The following CCSER1 variants were observed in gnomAD, a reference collection of about 807,000 sequenced individuals.
The protein encoded by CCSER1 is coiled-coil serine rich protein 1, also known as serine-rich coiled-coil domain-containing protein 1.
Under a neutral mutation model 82.0 loss-of-function variants are expected in CCSER1, and 41 were observed. The observed-to-expected ratio is 0.50, with a 90% CI of 0.39 to 0.65. CCSER1 has a LOEUF of 0.65. Ranked by LOEUF, CCSER1 falls within the 30% of genes least tolerant of loss-of-function variation. The pLI, the probability that CCSER1 is intolerant of heterozygous loss-of-function variation, is 0.00. For missense variants in CCSER1, 1,119 were observed against 1,064.2 expected (o/e 1.05, Z -0.72); for synonymous variants, 414 against 383.9 (o/e 1.08, Z -0.92).
chr4:91,603,816 A>G lies in CCSER1; in HGVS notation c.*4759A>G, dbSNP rs1375270146. On this transcript the variant is annotated 3_prime_UTR_variant, in exon 11 of 11. Coordinates refer to ENST00000509176, the MANE Select transcript of CCSER1 (RefSeq NM_001145065.2). ...AAGTCTAAGATTAGGGTGGGGCAGA[A>G]TAAATTATTGGTGAGGATCTGCTTC... 3 of 152,092 alleles carry G rather than the reference A, an allele frequency of 2.0e-5. No individual in the cohort carries two copies. The highest frequency in any genetic ancestry group is 4.4e-5 in the Non-Finnish European group (3 of 68,014). 9.4% of individuals were successfully genotyped at this position (152,092 alleles called of 1,614,324 possible).
At chr4:91,500,016 T>C (rs1759124204) in intron 10 of CCSER1, among the ~76,000 whole-genome samples, 2 of 152,072 alleles carry the variant, frequency 1.3e-5, no homozygotes, top group South Asian at 4.1e-4. Context: ...AACCTTATCG[T>C]AAGAGTATAT....
intron 6 of CCSER1, among the ~76,000 whole-genome samples, chr4:90,684,072 G>T (rs774967597): frequency 1.3e-5 from 2 of 152,052 alleles, no homozygotes; most frequent in Non-Finnish European, 2.9e-5. Context: ...TGAATTAACG[G>T]CCTCACATCA....
At chr4:90,482,171 A>G (rs973108703) in intron 5 of CCSER1, among the ~76,000 whole-genome samples, 19 of 152,290 alleles carry the variant, frequency 1.2e-4, no homozygotes, top group Non-Finnish European at 2.1e-4. Flanking sequence ...AGGTGTTTCT[A>G]GTATTCTCTG....
intron 5 of CCSER1, among the ~76,000 whole-genome samples, chr4:90,481,979 C>T (rs993086254): frequency 3.2e-4 from 49 of 152,232 alleles, no homozygotes; most frequent in African/African-American, 1.0e-3. Context: ...TGGTAGAATT[C>T]GGCTGTGAAT....
intron 6 of CCSER1, among the ~76,000 whole-genome samples, chr4:90,634,554 T>G (rs1287315044): frequency 6.6e-6 from 1 of 151,792 alleles, no homozygotes; most frequent in East Asian, 1.9e-4. Flanking sequence ...TTTACTGCAT[T>G]TCAGTAATTG....
chr4:90,290,184 A>T (rs1730644609), intron 1 of CCSER1, among the ~76,000 whole-genome samples: 1 of 151,924 alleles, frequency 6.6e-6, no homozygotes, highest in Non-Finnish European at 1.5e-5. Flanking sequence ...CATTAACTGT[A>T]GTCTGGAATG....
intron 5 of CCSER1, among the ~76,000 whole-genome samples, chr4:90,622,673 A>G (rs1231973593): frequency 1.3e-5 from 2 of 152,008 alleles, no homozygotes; most frequent in African/African-American, 2.4e-5. Context: ...TCGTTGATGG[A>G]CATTTGGGTT....
chr4:90,930,429 A>G (rs11934488), intron 9 of CCSER1, among the ~76,000 whole-genome samples: 63,048 of 151,144 alleles, frequency 0.42, 13,572 homozygotes, highest in African/African-American at 0.53. Flanking sequence ...GTGAAACCCC[A>G]TCTCTACTAA....
chr4:91,436,342 G>A (rs1056006194), intron 10 of CCSER1, among the ~76,000 whole-genome samples: 4 of 152,108 alleles, frequency 2.6e-5, no homozygotes, highest in African/African-American at 9.7e-5. Flanking sequence ...TTCAATAAAT[G>A]TACTGATATT....
At chr4:91,488,387 C>T (rs1266068605) in intron 10 of CCSER1, among the ~76,000 whole-genome samples, 2 of 152,142 alleles carry the variant, frequency 1.3e-5, no homozygotes, top group Non-Finnish European at 2.9e-5. Context: ...ATTCAATAAA[C>T]ATTTACTGAG....
chr4:90,922,140 C>G (rs893493116), intron 8 of CCSER1, among the ~76,000 whole-genome samples: 2 of 151,982 alleles, frequency 1.3e-5, no homozygotes, highest in African/African-American at 4.8e-5. Context: ...AGTGATGAGA[C>G]TTTAATAGAA....
chr4:91,177,822 C>A (rs7697122), intron 10 of CCSER1, among the ~76,000 whole-genome samples: 4,674 of 152,214 alleles, frequency 0.031, 221 homozygotes, highest in African/African-American at 0.1. Context: ...TCCTTCAGTT[C>A]TGCTCTGATG....
chr4:90,916,352 T>C (rs1727416612), intron 8 of CCSER1, among the ~76,000 whole-genome samples: 1 of 152,076 alleles, frequency 6.6e-6, no homozygotes, highest in South Asian at 2.1e-4. Context: ...CCCTCAGATA[T>C]AATGCCACAT....
chr4:91,323,204 G>A (rs1156869121), intron 10 of CCSER1, among the ~76,000 whole-genome samples: 1 of 152,160 alleles, frequency 6.6e-6, no homozygotes, highest in Non-Finnish European at 1.5e-5. Flanking sequence ...GGTGTTTGGT[G>A]ACAGTCCAGG....
At chr4:91,501,877 A>G (rs747797839) in intron 10 of CCSER1, among the ~76,000 whole-genome samples, 3 of 152,204 alleles carry the variant, frequency 2.0e-5, no homozygotes, top group Non-Finnish European at 4.4e-5. Flanking sequence ...CATTACTTAC[A>G]TATATTCAAA....
chr4:90,660,536 A>T (rs1730580806), intron 6 of CCSER1, among the ~76,000 whole-genome samples: 1 of 152,126 alleles, frequency 6.6e-6, no homozygotes, highest in African/African-American at 2.4e-5. Flanking sequence ...CTTATCTAAT[A>T]TTTATATAGC....
At chr4:91,002,738 C>G (rs1158414069) in intron 9 of CCSER1, among the ~76,000 whole-genome samples, 1 of 151,972 alleles carries the variant, frequency 6.6e-6, no homozygotes, top group Non-Finnish European at 1.5e-5. Context: ...CTTCTGAATT[C>G]TTTTTCAGGT....
chr4:90,646,341 A>G (rs945438422), intron 6 of CCSER1, among the ~76,000 whole-genome samples: 1 of 152,156 alleles, frequency 6.6e-6, no homozygotes, highest in Admixed American at 6.6e-5. Flanking sequence ...AGGAACATAC[A>G]TGAGTGCAAG....
intron 8 of CCSER1, among the ~76,000 whole-genome samples, chr4:90,818,636 G>T (rs1384279567): frequency 6.6e-6 from 1 of 152,114 alleles, no homozygotes; most frequent in Non-Finnish European, 1.5e-5. Context: ...TTAGGGCATG[G>T]TTTCTGAACA....
Sources: allele counts gnomAD v4.1 joint callset (sites outside exome capture counted in the v4.1 genomes callset), GRCh38; gene constraint gnomAD v4.1.1; transcripts MANE v1.5; gene names NCBI Gene and HGNC (gene_info 2026-07-23, HGNC 2026-07-21).